The following RBFOX1 variants were observed in gnomAD, a reference collection of about 807,000 sequenced individuals.
RBFOX1 encodes the protein RNA binding protein fox-1 homolog 1.
In RBFOX1, 8 loss-of-function variants were observed where a neutral mutation model predicts 57.7. The observed-to-expected ratio is 0.14, with a 90% confidence interval of 0.08 to 0.25. The LOEUF is 0.25. Ranked by LOEUF, RBFOX1 falls within the 10% of genes least tolerant of loss-of-function variation. The probability of loss-of-function intolerance (pLI) is 1.00; values close to 1 mark genes in which losing one functional copy is unlikely to be tolerated. For synonymous variants in RBFOX1, 326 were observed against 222.4 expected (o/e 1.47, Z -4.15); for missense variants, 611 against 548.5 (o/e 1.11, Z -1.14).
At chr16:5,540,237 A>C (rs1206436336) in intron 2 of RBFOX1, among the ~76,000 whole-genome samples, 1 of 152,190 alleles carries the variant, frequency 6.6e-6, no homozygotes, top group Admixed American at 6.5e-5. Flanking sequence ...GAATTCTCCA[A>C]GTTATTGGCT....
At chr16:7,667,029 C>T (rs1040689881) in intron 13 of RBFOX1, among the ~76,000 whole-genome samples, 1 of 152,150 alleles carries the variant, frequency 6.6e-6, no homozygotes, top group Non-Finnish European at 1.5e-5. Context: ...TATCGTTTTC[C>T]CCACTCTTTA....
chr16:7,099,493 C>T (rs1007378408), intron 4 of RBFOX1, among the ~76,000 whole-genome samples: 2 of 152,296 alleles, frequency 1.3e-5, no homozygotes, highest in African/African-American at 2.4e-5. Flanking sequence ...ATATTCTTCT[C>T]TTCTCCTATT....
At chr16:6,896,389 T>C (rs1434758527) in intron 3 of RBFOX1, among the ~76,000 whole-genome samples, 1 of 152,192 alleles carries the variant, frequency 6.6e-6, no homozygotes, top group Non-Finnish European at 1.5e-5. Flanking sequence ...TTTCTTTCTT[T>C]TTTTCTTTAA....
chr16:7,341,716 T>TTCCC (rs1181153669), intron 4 of RBFOX1, among the ~76,000 whole-genome samples: 9 of 143,666 alleles, frequency 6.3e-5, no homozygotes, highest in South Asian at 2.3e-4. Context: ...CCTTCCTTCC[T>TTCCC]TCCCTCCCTC....
chr16:7,209,326 ACT>A (rs1567715054), intron 4 of RBFOX1, among the ~76,000 whole-genome samples: 1 of 152,082 alleles, frequency 6.6e-6, no homozygotes, highest in African/African-American at 2.4e-5. Flanking sequence ...CAAGAGCGAA[ACT>A]CTGTTTCAAA....
chr16:7,124,056 T>C (rs1364091692), intron 4 of RBFOX1, among the ~76,000 whole-genome samples: 1 of 152,212 alleles, frequency 6.6e-6, no homozygotes, highest in African/African-American at 2.4e-5. Flanking sequence ...TTAGAAATAT[T>C]ACACATATAT....
At chr16:6,162,814 G>C (rs959243582) in intron 1 of RBFOX1, among the ~76,000 whole-genome samples, 1 of 152,010 alleles carries the variant, frequency 6.6e-6, no homozygotes, top group East Asian at 1.9e-4. Flanking sequence ...GCTCACTGCA[G>C]CCTCCACCTC....
intron 3 of RBFOX1, among the ~76,000 whole-genome samples, chr16:5,763,444 A>G (rs2053657682): frequency 1.3e-5 from 2 of 152,168 alleles, no homozygotes; most frequent in Admixed American, 6.5e-5. Flanking sequence ...TCTTGGAGGG[A>G]GACAGCCAGA....
intron 1 of RBFOX1, among the ~76,000 whole-genome samples, chr16:5,329,788 A>T (rs2064695117): frequency 6.6e-6 from 1 of 152,160 alleles, no homozygotes. Flanking sequence ...TCAGGAGGTC[A>T]GGAGATCGAG....
intron 3 of RBFOX1, among the ~76,000 whole-genome samples, chr16:6,744,291 T>A (rs2154185314): frequency 6.6e-6 from 1 of 152,216 alleles, no homozygotes; most frequent in Middle Eastern, 3.4e-3. Flanking sequence ...ACTGACAGAA[T>A]AAATAGCTAG....
chr16:5,763,127 C>T (rs552183957), intron 3 of RBFOX1, among the ~76,000 whole-genome samples: 3 of 152,274 alleles, frequency 2.0e-5, no homozygotes, highest in East Asian at 1.9e-4. Flanking sequence ...AACATAAATG[C>T]GCCCAACACA....
chr16:6,863,174 G>A (rs1442499628), intron 3 of RBFOX1, among the ~76,000 whole-genome samples: 3 of 152,058 alleles, frequency 2.0e-5, no homozygotes, highest in African/African-American at 7.2e-5. Context: ...GAAAAAACAG[G>A]AGGGCTTGCC....
At chr16:6,372,358 G>C (rs967014724) in intron 2 of RBFOX1, among the ~76,000 whole-genome samples, 1 of 150,688 alleles carries the variant, frequency 6.6e-6, no homozygotes. Context: ...TAGTCGGATG[G>C]AAGGATGGTT....
chr16:6,357,989 G>A (rs2087695029), intron 2 of RBFOX1, among the ~76,000 whole-genome samples: 1 of 151,852 alleles, frequency 6.6e-6, no homozygotes, highest in East Asian at 1.9e-4. Flanking sequence ...GAAATTAATG[G>A]GGCCAGAGAC....
rs57410575 is a variant in RBFOX1, at chr16:7,078,863, C to CTTTTTT, written c.27+26786_27+26791dup. ...ACGCCCAGCTAATTTATATATATAC[C>CTTTTTT]TTTTTTTTTTTTTTTTTTTTTTTTT... On this transcript the variant is annotated intron_variant, in intron 4 of 15. Coordinates refer to ENST00000550418, the MANE Select transcript of RBFOX1 (RefSeq NM_018723.4). Among the ~76,000 whole-genome samples, 81 of 52,750 alleles carry CTTTTTT rather than the reference C, an allele frequency of 1.5e-3. 25 individuals are homozygous for CTTTTTT. Among genetic ancestry groups the CTTTTTT allele is most frequent in the East Asian group, 2.4e-3 (3 of 1,272 alleles). The allele number at this position is 52,750 out of a possible 152,430, so 34.6% of individuals were successfully genotyped here. A position where few individuals can be genotyped will look rare whatever the true frequency, so the allele number is the denominator to read the frequency against.
At chr16:5,592,785 C>G (rs1366153121) in intron 2 of RBFOX1, among the ~76,000 whole-genome samples, 1 of 152,198 alleles carries the variant, frequency 6.6e-6, no homozygotes, top group Non-Finnish European at 1.5e-5. Context: ...TCATAGGCTC[C>G]TCAGCCTGCT....
chr16:5,423,832 C>T (rs2067430628), intron 1 of RBFOX1, among the ~76,000 whole-genome samples: 1 of 152,120 alleles, frequency 6.6e-6, no homozygotes, highest in Admixed American at 6.5e-5. Flanking sequence ...CTCTTGTTGT[C>T]TTCTCGAGCT....
intron 3 of RBFOX1, among the ~76,000 whole-genome samples, chr16:5,807,015 C>G (rs1436399): frequency 0.54 from 82,808 of 151,970 alleles, 23,671 homozygotes; most frequent in South Asian, 0.66. Flanking sequence ...AGAGCTACCC[C>G]CCGACACCTC....
rs930110195 is a variant in RBFOX1 at position 5,343,814 on chromosome 16, C to T, written c.219+103709C>T. Among the ~76,000 whole-genome samples, 7 of 152,148 alleles carry T rather than the reference C, an allele frequency of 4.6e-5. No individual in the cohort carries two copies. In the East Asian group the frequency reaches 1.3e-3, roughly 29 times the overall value. ...GCAAAAGGGTTATTTGATATGATGG[C>T]ACCTGTATTCTGGAGTGATAACCTT... On this transcript the variant is annotated intron_variant, in intron 1 of 2. Coordinates refer to the RBFOX1 transcript ENST00000585867.
Sources: gnomAD v4.1 joint callset for allele counts (sites outside exome capture counted in the v4.1 genomes callset) on GRCh38, gnomAD v4.1.1 for gene constraint, MANE v1.5 for transcripts, NCBI Gene and HGNC (gene_info 2026-07-23, HGNC 2026-07-21) for gene names.